The following ZBTB20 variants were observed in gnomAD, a reference collection of about 807,000 sequenced individuals.
The protein encoded by ZBTB20 is zinc finger and BTB domain-containing protein 20.
ZBTB20 carries 9 observed loss-of-function variants against 56.9 expected under a neutral mutation model. The observed-to-expected ratio is 0.16, with a 90% confidence interval of 0.10 to 0.28. The LOEUF (loss-of-function observed/expected upper bound fraction) is 0.28. Among genes scored for constraint, ZBTB20 ranks in the 10% least tolerant of loss-of-function variants. ZBTB20 has a pLI of 1.00. For synonymous variants in ZBTB20, 417 were observed against 420.7 expected, an observed-to-expected ratio of 0.99 and a Z score of 0.11; for missense variants, 655 against 1,003.0, an observed-to-expected ratio of 0.65 and a Z score of 4.69.
chr3:114,832,713 T>C (rs1012494256), intron 4 of ZBTB20, among the ~76,000 whole-genome samples: 1 of 152,162 alleles, frequency 6.6e-6, no homozygotes. Context: ...CAAAAAGCTA[T>C]GATATTTCAA....
intron 6 of ZBTB20, among the ~76,000 whole-genome samples, chr3:114,604,570 A>G (rs1398333595): frequency 1.3e-5 from 2 of 152,062 alleles, no homozygotes; most frequent in Admixed American, 1.3e-4. Flanking sequence ...ATCTCATATT[A>G]AAGTAAAAAT....
intron 6 of ZBTB20, among the ~76,000 whole-genome samples, chr3:114,547,545 G>A (rs912595034): frequency 2.0e-5 from 3 of 152,150 alleles, no homozygotes; most frequent in Non-Finnish European, 4.4e-5. Flanking sequence ...GACAGTAATT[G>A]AAAAAGAAAA....
intron 3 of ZBTB20, among the ~76,000 whole-genome samples, chr3:114,920,263 T>C (rs1190530147): frequency 1.3e-5 from 2 of 152,164 alleles, no homozygotes; most frequent in African/African-American, 2.4e-5. Context: ...TTAAAAGTAC[T>C]ACAGACCAAA....
intron 2 of ZBTB20, among the ~76,000 whole-genome samples, chr3:114,988,094 T>C (rs1211481536): frequency 6.9e-6 from 1 of 145,482 alleles, no homozygotes; most frequent in African/African-American, 2.7e-5. Flanking sequence ...CCAGTTTCTT[T>C]TTTTTTTTTT....
chr3:114,463,460 G>C (rs2092415191), intron 7 of ZBTB20, among the ~76,000 whole-genome samples: 1 of 152,034 alleles, frequency 6.6e-6, no homozygotes, highest in Admixed American at 6.6e-5. Context: ...ATCATGATTA[G>C]TTTATACATG....
At chr3:114,715,623 T>C (rs1462198388) in intron 5 of ZBTB20, among the ~76,000 whole-genome samples, 1 of 152,214 alleles carries the variant, frequency 6.6e-6, no homozygotes, top group Non-Finnish European at 1.5e-5. Context: ...ATATGCAACG[T>C]TGACCTGAGA....
chr3:114,431,456 A>G (rs1438598557), intron 7 of ZBTB20, among the ~76,000 whole-genome samples: 3 of 152,228 alleles, frequency 2.0e-5, no homozygotes, highest in Admixed American at 2.0e-4. Context: ...CAAATGCAAG[A>G]AAAAGGTGCA....
At chr3:114,767,548 A>C (rs527943898) in intron 5 of ZBTB20, among the ~76,000 whole-genome samples, 34 of 151,986 alleles carry the variant, frequency 2.2e-4, no homozygotes, top group Admixed American at 2.2e-3. Context: ...GAAGGACAGA[A>C]GAAAGGAAGT....
chr3:114,361,848 A>C (rs1175698032), intron 10 of ZBTB20, among the ~76,000 whole-genome samples: 1 of 152,172 alleles, frequency 6.6e-6, no homozygotes, highest in Non-Finnish European at 1.5e-5. Flanking sequence ...CTTTGAGAGG[A>C]ACAGTGATCA....
intron 6 of ZBTB20, among the ~76,000 whole-genome samples, chr3:114,553,887 T>C (rs896207834): frequency 6.6e-6 from 1 of 152,162 alleles, no homozygotes; most frequent in Non-Finnish European, 1.5e-5. Flanking sequence ...TTCCTTATAA[T>C]AGCACATTTA....
chr3:115,030,854 T>C (rs1345259510), intron 2 of ZBTB20, among the ~76,000 whole-genome samples: 1 of 151,322 alleles, frequency 6.6e-6, no homozygotes, highest in Non-Finnish European at 1.5e-5. Flanking sequence ...CATTTATGAG[T>C]CTTTTCTCTC....
intron 5 of ZBTB20, among the ~76,000 whole-genome samples, chr3:114,793,833 C>A (rs2071154485): frequency 6.6e-6 from 1 of 151,954 alleles, no homozygotes; most frequent in South Asian, 2.1e-4. Context: ...GTTTCTGATA[C>A]TGTGAACTAA....
intron 6 of ZBTB20, among the ~76,000 whole-genome samples, chr3:114,692,400 C>T (rs532598626): frequency 4.7e-4 from 71 of 152,206 alleles, no homozygotes; most frequent in African/African-American, 1.6e-3. Flanking sequence ...AACACAGTGA[C>T]AACTATGGAT....
At chr3:114,699,589 T>C (rs1219524152) in intron 5 of ZBTB20, among the ~76,000 whole-genome samples, 4 of 152,134 alleles carry the variant, frequency 2.6e-5, no homozygotes, top group Non-Finnish European at 5.9e-5. Flanking sequence ...TGTTTAGCAA[T>C]AGTAGCCATA....
intron 4 of ZBTB20, among the ~76,000 whole-genome samples, chr3:114,853,085 G>A (rs78865901): frequency 0.03 from 4,583 of 152,244 alleles, 159 homozygotes; most frequent in African/African-American, 0.078. Flanking sequence ...GCAAAGGCTG[G>A]TGTGGTTTAT....
chr3:114,688,358 C>T (rs371374067), intron 6 of ZBTB20: 1 of 148,220 alleles, frequency 6.7e-6, no homozygotes, highest in African/African-American at 2.5e-5. Context: ...AACAAGCCTG[C>T]ACATGTATCC....
At chr3:114,732,758 T>C (rs961809183) in intron 5 of ZBTB20, among the ~76,000 whole-genome samples, 1 of 152,024 alleles carries the variant, frequency 6.6e-6, no homozygotes, top group Non-Finnish European at 1.5e-5. Flanking sequence ...GCTTGGGCAG[T>C]GGGGGATGGG....
At chr3:114,556,892 TC>T (rs1232508129) in intron 6 of ZBTB20, among the ~76,000 whole-genome samples, 5 of 152,038 alleles carry the variant, frequency 3.3e-5, no homozygotes, top group African/African-American at 1.2e-4. Flanking sequence ...TTAGGAATGT[TC>T]TAGAAGACAA....
chr3:114,901,711 A>G (rs1372070136), intron 3 of ZBTB20, among the ~76,000 whole-genome samples: 3 of 152,138 alleles, frequency 2.0e-5, no homozygotes, highest in Non-Finnish European at 4.4e-5. Flanking sequence ...GGTACTTTAA[A>G]GAATATTTTA....
Sources: allele counts gnomAD v4.1 joint callset (sites outside exome capture counted in the v4.1 genomes callset), GRCh38; gene constraint gnomAD v4.1.1; transcripts MANE v1.5; gene names NCBI Gene and HGNC (gene_info 2026-07-23, HGNC 2026-07-21).